The following MB21D2 variants were observed in gnomAD, a reference collection of about 807,000 sequenced individuals.
The protein encoded by MB21D2 is Mab-21 domain containing 2, also known as nucleotidyltransferase MB21D2.
In MB21D2, 9 loss-of-function variants were observed where a neutral mutation model predicts 33.3. The ratio of observed to expected loss-of-function variants is 0.27; its 90% CI spans 0.16 to 0.47. MB21D2 has a LOEUF of 0.47. Among genes scored for constraint, MB21D2 ranks in the 20% least tolerant of loss-of-function variants. The pLI, the probability that MB21D2 is intolerant of heterozygous loss-of-function variation, is 0.99. For synonymous variants in MB21D2, 241 were observed against 236.3 expected, an observed-to-expected ratio of 1.02 and a Z score of -0.18; for missense variants, 540 against 624.6, an observed-to-expected ratio of 0.86 and a Z score of 1.44.
At chr3:192,830,322 T>G (rs1458583788) in intron 1 of MB21D2, among the ~76,000 whole-genome samples, 1 of 152,014 alleles carries the variant, frequency 6.6e-6, no homozygotes, top group African/African-American at 2.4e-5. Flanking sequence ...GATGGACATC[T>G]GAGCTCTGAA....
chr3:192,910,527 A>G (rs1192838559), intron 1 of MB21D2, among the ~76,000 whole-genome samples: 1 of 152,146 alleles, frequency 6.6e-6, no homozygotes, highest in Non-Finnish European at 1.5e-5. Flanking sequence ...CTAGAAATGC[A>G]TCTTCTTTGG....
chr3:192,898,266 G>C (rs1714021487), intron 1 of MB21D2, among the ~76,000 whole-genome samples: 1 of 149,158 alleles, frequency 6.7e-6, no homozygotes, highest in South Asian at 2.1e-4. Context: ...ATATTGCCCA[G>C]GCTGGTCTTA....
chr3:192,836,436 A>T (rs1216832401), intron 1 of MB21D2, among the ~76,000 whole-genome samples: 1 of 152,190 alleles, frequency 6.6e-6, no homozygotes, highest in Non-Finnish European at 1.5e-5. Flanking sequence ...ATATTATTGT[A>T]TTTGGAAATA....
chr3:192,874,518 A>G (rs945879704), intron 1 of MB21D2, among the ~76,000 whole-genome samples: 5 of 152,294 alleles, frequency 3.3e-5, no homozygotes, highest in African/African-American at 1.2e-4. Flanking sequence ...TTCCAGCCCT[A>G]TCCCCACCAC....
Position 192,909,275 on chromosome 3 carries a change from TA to T in MB21D2, c.211+8354del, listed in dbSNP as rs1166043158. Among the ~76,000 whole-genome samples, 635 of 150,298 alleles carry T rather than the reference TA, an allele frequency of 4.2e-3. 3 individuals are homozygous for T. Among genetic ancestry groups the T allele is most frequent in the African/African-American group, 0.015 (605 of 40,758 alleles). ...TGTCTCAAAAAAAAAAAATAAAAAA[TA>T]AAAAAATAATAATAAATGCCTTTTT... On this transcript the variant is annotated intron_variant, in intron 1 of 1. Coordinates refer to ENST00000392452, the MANE Select transcript of MB21D2 (RefSeq NM_178496.4).
Position 192,797,411 on chromosome 3 carries a change from G to A in MB21D2, c.*975C>T, listed in dbSNP as rs568197461. On this transcript the variant is annotated 3_prime_UTR_variant, in exon 2 of 2. Transcript: ENST00000392452. ...CCCCAGCTTTAGATGGGGTCAACAT[G>A]TATAAAGCTTTAACAACTTCTCTCA... 8.5e-4 allele frequency: 130 copies of A among 152,716 alleles called. No homozygotes were observed. The highest frequency in any genetic ancestry group is 2.7e-3 in the African/African-American group (112 of 41,566). The allele number at this position is 152,716 out of a possible 1,614,324, so 9.5% of individuals were successfully genotyped here. A position where few individuals can be genotyped will look rare whatever the true frequency, so the allele number is the denominator to read the frequency against.
intron 1 of MB21D2, among the ~76,000 whole-genome samples, chr3:192,911,356 T>C (rs1184002464): frequency 1.3e-5 from 2 of 152,228 alleles, no homozygotes; most frequent in Non-Finnish European, 2.9e-5. Context: ...TTTTTGTCTC[T>C]GTCCCAGGTG....
intron 1 of MB21D2, among the ~76,000 whole-genome samples, chr3:192,844,839 C>T (rs1231020164): frequency 6.6e-6 from 1 of 152,208 alleles, no homozygotes; most frequent in African/African-American, 2.4e-5. Flanking sequence ...AAAGAGAAAC[C>T]TGAATAAGCC....
chr3:192,877,814 A>G lies in MB21D2; in HGVS notation c.211+39816T>C, dbSNP rs139486438. 2.2e-4 allele frequency among the ~76,000 whole-genome samples: 33 copies of G among 152,300 alleles called. 1 individual carries two copies. In the East Asian group the frequency reaches 6.4e-3, roughly 29 times the overall value. On this transcript the variant is annotated intron_variant, in intron 1 of 1. Transcript: ENST00000392452. The stretch of plus-strand genomic sequence containing the variant: ...TCACATGCAAGTACTGCAGACTGAT[A>G]TATGTGCTCTGCGCATCTCTGTCTC...
intron 1 of MB21D2, among the ~76,000 whole-genome samples, chr3:192,906,195 T>C (rs915259709): frequency 6.6e-6 from 1 of 152,174 alleles, no homozygotes; most frequent in African/African-American, 2.4e-5. Flanking sequence ...GGGTAAAATC[T>C]GAGAATCACA....
intron 1 of MB21D2, among the ~76,000 whole-genome samples, chr3:192,835,368 A>G (rs1406241474): frequency 6.9e-6 from 1 of 145,066 alleles, no homozygotes; most frequent in Non-Finnish European, 1.5e-5. Flanking sequence ...AGGCAAGAGA[A>G]TGGCGTGAAC....
At chr3:192,855,375 G>A (rs564583272) in intron 1 of MB21D2, among the ~76,000 whole-genome samples, 5 of 152,168 alleles carry the variant, frequency 3.3e-5, no homozygotes, top group Admixed American at 2.6e-4. Flanking sequence ...GTGATTACAG[G>A]TGTGAGCCAC....
chr3:192,798,240 C>T lies in MB21D2; in HGVS notation c.*146G>A, dbSNP rs965361301. 4.9e-6 allele frequency: 4 copies of T among 820,308 alleles called. No individual in the cohort carries two copies. In the African/African-American group the frequency reaches 6.9e-5, roughly 14 times the overall value. The allele number at this position is 820,308 out of a possible 1,614,324, so 50.8% of individuals were successfully genotyped here. On this transcript the variant is annotated 3_prime_UTR_variant, in exon 2 of 2. Transcript: ENST00000392452. The surrounding 1 kb of genome is among the most constrained non-coding windows in gnomAD (Gnocchi z 4.8). ...GTAATATACTGTTTCAGAGCCTGCA[C>T]CATCCTGCAGAACCAGGAAACTTAA...
At chr3:192,822,021 G>A (rs1038902334) in intron 1 of MB21D2, among the ~76,000 whole-genome samples, 2 of 152,076 alleles carry the variant, frequency 1.3e-5, no homozygotes, top group Admixed American at 1.3e-4. Context: ...GTGAACCCAG[G>A]CATTATTTGA....
At chr3:192,814,748 C>T (rs190988539) in intron 1 of MB21D2, among the ~76,000 whole-genome samples, 194 of 151,986 alleles carry the variant, frequency 1.3e-3, no homozygotes, top group Admixed American at 2.3e-3. Flanking sequence ...GCCTTTAGTC[C>T]CAGCTACTGG....
chr3:192,856,235 C>G (rs9868121), intron 1 of MB21D2, among the ~76,000 whole-genome samples: 91,664 of 151,954 alleles, frequency 0.6, 29,654 homozygotes, highest in African/African-American at 0.83. Flanking sequence ...GAGGCAGTAA[C>G]TTACAGTCGC....
At chr3:192,836,010 G>A (rs1326651559) in intron 1 of MB21D2, among the ~76,000 whole-genome samples, 1 of 152,144 alleles carries the variant, frequency 6.6e-6, no homozygotes, top group Non-Finnish European at 1.5e-5. Context: ...TGAGGTGTTG[G>A]AGTGAGGCAA....
chr3:192,886,427 GAATT>G (rs1381441926), intron 1 of MB21D2, among the ~76,000 whole-genome samples: 1 of 152,066 alleles, frequency 6.6e-6, no homozygotes, highest in Non-Finnish European at 1.5e-5. Context: ...ACACACAACA[GAATT>G]AATACCACGA....
intron 1 of MB21D2, among the ~76,000 whole-genome samples, chr3:192,801,684 G>A (rs932071364): frequency 3.9e-5 from 6 of 152,194 alleles, no homozygotes; most frequent in Non-Finnish European, 8.8e-5. Flanking sequence ...CAATGAATCT[G>A]CAGGCACCTT....
Sources: allele counts gnomAD v4.1 joint callset (sites outside exome capture counted in the v4.1 genomes callset), GRCh38; gene constraint gnomAD v4.1.1; non-coding constraint Gnocchi (gnomAD v3.1); transcripts MANE v1.5; gene names NCBI Gene and HGNC (gene_info 2026-07-23, HGNC 2026-07-21).